SH3BP4: variants seen among roughly 807,000 people sequenced by gnomAD.
SH3BP4 encodes the protein SH3 domain-binding protein 4.
A neutral mutation model predicts 65.5 loss-of-function variants in SH3BP4; 33 were observed. That is an observed-to-expected ratio of 0.50 (90% confidence interval 0.38 to 0.67). SH3BP4 has a LOEUF of 0.67. SH3BP4 is among the 30% of genes least tolerant of loss of function. The pLI is 0.00. For missense variants in SH3BP4, 1,134 were observed against 1,261.4 expected (o/e 0.90, Z 1.53); for synonymous variants, 552 against 545.5 (o/e 1.01, Z -0.17).
rs763823536 is a variant in SH3BP4, at chr2:235,041,982, C to A, written c.1213C>A (p.Leu405Ile). ...MKVSAEIKNDLFSKSTVGLQC... is the reference protein window; with the variant it reads ...MKVSAEIKNDIFSKSTVGLQC... ...AGTGTCAGCCGAGATAAAAAATGAC[C>A]TTTTTAGCAAAAGCACAGTGGGCCT... The change falls in exon 4 of 6, where the codon CTT (leucine) becomes ATT (isoleucine). Residue 405 changes from leucine (L) to isoleucine (I), a missense_variant. Transcript: ENST00000392011. This position sits in a 1 kb window ranked among gnomAD's most constrained non-coding sequence, Gnocchi z 6.0. The A allele has an allele frequency of 1.2e-6, 2 of 1,613,322 alleles. No homozygotes were observed. Among genetic ancestry groups the A allele is most frequent in the Admixed American group, 3.3e-5 (2 of 59,976 alleles).
At chr2:235,019,687 C>T (rs1345429834) in intron 2 of SH3BP4, among the ~76,000 whole-genome samples, 1 of 151,750 alleles carries the variant, frequency 6.6e-6, no homozygotes, top group African/African-American at 2.4e-5. Flanking sequence ...CTGCCCGCCT[C>T]AGCCTCTTAA....
intron 1 of SH3BP4, among the ~76,000 whole-genome samples, chr2:234,987,161 G>T (rs918797883): frequency 5.3e-5 from 8 of 152,160 alleles, no homozygotes; most frequent in Non-Finnish European, 8.8e-5. Context: ...TACAGAATCA[G>T]AAACTGAGCG....
chr2:234,998,577 A>G (rs186768842), intron 2 of SH3BP4, among the ~76,000 whole-genome samples: 3 of 152,300 alleles, frequency 2.0e-5, no homozygotes, highest in Admixed American at 2.0e-4. Context: ...TTCGAGGTGA[A>G]AGTCACATAA....
In SH3BP4 at chr2:235,030,343, G is replaced by A. The variant is rs761695995; in HGVS notation, c.-132-4528G>A. On this transcript the variant is annotated intron_variant, in intron 2 of 5. Coordinates refer to ENST00000392011, the MANE Select transcript of SH3BP4 (RefSeq NM_014521.3). This position sits in a 1 kb window ranked among gnomAD's most constrained non-coding sequence, Gnocchi z 4.1. ...TTTGTCAGGCTCACATCTTGGCTGC[G>A]TTACCCTGGGCAAGTTGCTTTAGTG... 5.3e-5 allele frequency among the ~76,000 whole-genome samples: 8 copies of A among 152,124 alleles called. No individual in the cohort carries two copies. The highest frequency in any genetic ancestry group is 8.8e-5 in the Non-Finnish European group (6 of 68,020).
rs1246998705 is a variant in SH3BP4, at chr2:234,997,708, C to CT, written c.-133+2333dup. ...CAGCCCCCGGTGGCTTGAACACCCT[C>CT]TGTAGTTGTGTCTGCTCAAGGCCTG... On this transcript the variant is annotated intron_variant, in intron 2 of 5. Transcript: ENST00000392011. The surrounding 1 kb of genome is among the most constrained non-coding windows in gnomAD (Gnocchi z 4.2). 1.3e-5 allele frequency among the ~76,000 whole-genome samples: 2 copies of CT among 152,204 alleles called. No homozygotes were observed. Among genetic ancestry groups the CT allele is most frequent in the Non-Finnish European group, 2.9e-5 (2 of 68,050 alleles).
intron 4 of SH3BP4, among the ~76,000 whole-genome samples, chr2:235,043,823 C>T (rs1355152907): frequency 2.0e-5 from 3 of 152,260 alleles, no homozygotes; most frequent in African/African-American, 7.2e-5. Context: ...CTGGGATATA[C>T]GTGTGGGGCT....
chr2:235,019,356 T>C (rs989723871), intron 2 of SH3BP4, among the ~76,000 whole-genome samples: 1 of 151,424 alleles, frequency 6.6e-6, no homozygotes, highest in African/African-American at 2.4e-5. Context: ...GTGGGCTGGA[T>C]TGGGGGCAGA....
intron 2 of SH3BP4, among the ~76,000 whole-genome samples, chr2:235,016,140 G>T (rs949702028): frequency 7.7e-6 from 1 of 130,124 alleles, no homozygotes; most frequent in East Asian, 2.8e-4. Flanking sequence ...GGTGGGGGGT[G>T]GGGGGAGGAG....
At position 235,055,405 on chromosome 2, in the gene SH3BP4, A is replaced by T. The variant is rs527549211; in HGVS notation, c.*1589A>T. On this transcript the variant is annotated 3_prime_UTR_variant, in exon 6 of 6. Transcript: ENST00000392011. ...ACATTAGCTATTTTATGCTGCAAGA[A>T]CCAGGACACACAATTCGCCAATCAT... is the stretch of plus-strand genomic sequence containing the variant. 2.6e-5 allele frequency: 4 copies of T among 152,788 alleles called. No homozygotes were observed. The South Asian group carries it at 8.3e-4, about 32-fold the overall frequency. The allele number at this position is 152,788 out of a possible 1,614,324, so 9.5% of individuals were successfully genotyped here.
At position 234,968,674 on chromosome 2, in the gene SH3BP4, G is replaced by A. The variant is rs983280319; in HGVS notation, c.-207+16504G>A. Reference sequence around the variant, plus strand: ...GTTGGACTGTCAGGTCTCAAGAGACGGGCTTGGGTTTCCCTGTGTGGCTGC... The same window carrying A: ...GTTGGACTGTCAGGTCTCAAGAGACAGGCTTGGGTTTCCCTGTGTGGCTGC... On this transcript the variant is annotated intron_variant, in intron 1 of 5. Transcript: ENST00000392011. 1.2e-4 allele frequency among the ~76,000 whole-genome samples: 19 copies of A among 152,108 alleles called. 1 individual carries two copies. The highest frequency in any genetic ancestry group is 1.9e-4 in the East Asian group (1 of 5,188).
chr2:234,952,168 C>G lies in SH3BP4; in HGVS notation c.-209C>G, dbSNP rs900027358. ...GAGCCGGCGGGGACGCCATGCGAGC[C>G]AGGTAGGCAGGCGGCGGCGGGGAGC... On this transcript the variant is annotated splice_region_variant and 5_prime_UTR_variant, in exon 1 of 6. Coordinates refer to ENST00000392011, the MANE Select transcript of SH3BP4 (RefSeq NM_014521.3). This position sits in a 1 kb window ranked among gnomAD's most constrained non-coding sequence, Gnocchi z 6.5. The G allele has an allele frequency of 3.8e-4, 57 of 149,624 alleles. No individual in the cohort carries two copies. Among genetic ancestry groups the G allele is most frequent in the African/African-American group, 1.4e-3 (56 of 41,096 alleles). The allele number at this position is 149,624 out of a possible 1,614,324, so 9.3% of individuals were successfully genotyped here.
chr2:234,961,099 G>A lies in SH3BP4; in HGVS notation c.-207+8929G>A, dbSNP rs1029248955. Among the ~76,000 whole-genome samples the A allele has an allele frequency of 2.0e-5, 3 of 152,162 alleles. No individual in the cohort carries two copies. The South Asian group carries it at 6.2e-4, about 32-fold the overall frequency. On this transcript the variant is annotated intron_variant, in intron 1 of 5. Transcript: ENST00000392011. ...GTCCGAATATTTGGCTTCTCTTCCT[G>A]TTATGACCTCGGTCACATTTTTGGA...
intron 2 of SH3BP4, among the ~76,000 whole-genome samples, chr2:235,032,593 C>T (rs1695239806): frequency 2.6e-5 from 4 of 152,162 alleles, no homozygotes; most frequent in Admixed American, 2.6e-4. Flanking sequence ...TCGGGGCTGC[C>T]GGGCTGCCTG....
At chr2:234,980,163 G>T (rs1219777818) in intron 1 of SH3BP4, among the ~76,000 whole-genome samples, 5 of 152,144 alleles carry the variant, frequency 3.3e-5, no homozygotes, top group Admixed American at 6.5e-5. Flanking sequence ...CCTGTAAGTA[G>T]TCCCCCCCTT....
chr2:235,009,238 G>A (rs1355140738), intron 2 of SH3BP4, among the ~76,000 whole-genome samples: 2 of 152,118 alleles, frequency 1.3e-5, no homozygotes, highest in East Asian at 3.9e-4. Context: ...AGCTCTGCAG[G>A]TGCCATCCGG....
chr2:234,996,241 C>G (rs1235599294), intron 2 of SH3BP4, among the ~76,000 whole-genome samples: 1 of 152,180 alleles, frequency 6.6e-6, no homozygotes, highest in East Asian at 1.9e-4. Flanking sequence ...CAGTGGGATT[C>G]CTTTCTGGGC....
At chr2:234,999,294 A>C (rs1347114070) in intron 2 of SH3BP4, among the ~76,000 whole-genome samples, 1 of 152,232 alleles carries the variant, frequency 6.6e-6, no homozygotes, top group Non-Finnish European at 1.5e-5. Flanking sequence ...GATTTTTAAC[A>C]TACTTGAGGC....
chr2:235,049,272 GC>G (rs1695970952), intron 4 of SH3BP4, among the ~76,000 whole-genome samples: 1 of 152,196 alleles, frequency 6.6e-6, no homozygotes, highest in Non-Finnish European at 1.5e-5. Context: ...GGGGACCTGT[GC>G]CCAGTTCCCC....
At chr2:235,013,271 T>A (rs1694576170) in intron 2 of SH3BP4, among the ~76,000 whole-genome samples, 1 of 152,156 alleles carries the variant, frequency 6.6e-6, no homozygotes, top group Non-Finnish European at 1.5e-5. Flanking sequence ...CAGCCCTTCC[T>A]CCCTTCTGTG....
Sources: gnomAD v4.1 joint callset for allele counts (sites outside exome capture counted in the v4.1 genomes callset) on GRCh38, gnomAD v4.1.1 for gene constraint, Gnocchi (gnomAD v3.1) non-coding constraint, MANE v1.5 for transcripts, NCBI Gene and HGNC (gene_info 2026-07-23, HGNC 2026-07-21) for gene names.